Variants in SPON1 observed in about 807,000 individuals in gnomAD.
The protein encoded by SPON1 is spondin-1.
SPON1 carries 52 observed loss-of-function variants against 111.7 expected under a neutral mutation model. The ratio of observed to expected loss-of-function variants is 0.47; its 90% CI spans 0.37 to 0.59. SPON1 has a LOEUF of 0.59. SPON1 is among the 20% of genes least tolerant of loss of function. The pLI, the probability that SPON1 is intolerant of heterozygous loss-of-function variation, is 0.00. For missense variants in SPON1, 957 were observed against 1,068.5 expected (o/e 0.90, Z 1.46); for synonymous variants, 410 against 395.8 (o/e 1.04, Z -0.43).
intron 6 of SPON1, among the ~76,000 whole-genome samples, chr11:14,199,628 T>C (rs1445964200): frequency 2.6e-5 from 4 of 152,196 alleles, no homozygotes; most frequent in Non-Finnish European, 5.9e-5. Context: ...AACACAAAGC[T>C]AACAATGGCA....
At chr11:14,054,703 G>T (rs1223564873) in intron 3 of SPON1, among the ~76,000 whole-genome samples, 1 of 152,126 alleles carries the variant, frequency 6.6e-6, no homozygotes, top group Non-Finnish European at 1.5e-5. Context: ...GAATGATGGG[G>T]GTGACTAGGC....
In SPON1 at chr11:14,257,567, A is replaced by G. The variant is rs1044089847; in HGVS notation, c.1310-149A>G. The stretch of plus-strand genomic sequence containing the variant: ...AACTATTATCTTTAAAGGGAAGTGG[A>G]TGGCTGCTTCCATCCCAGGAGCACC... On this transcript the variant is annotated intron_variant, in intron 10 of 15. Coordinates refer to ENST00000576479, the MANE Select transcript of SPON1 (RefSeq NM_006108.4). The G allele has an allele frequency of 5.3e-6, 3 of 566,234 alleles. No homozygotes were observed. The East Asian group carries it at 9.4e-5, about 18-fold the overall frequency. The allele number at this position is 566,234 out of a possible 1,614,324, so 35.1% of individuals were successfully genotyped here.
chr11:14,137,018 C>G (rs1847600929), intron 6 of SPON1, among the ~76,000 whole-genome samples: 2 of 152,162 alleles, frequency 1.3e-5, no homozygotes, highest in Admixed American at 1.3e-4. Context: ...GGTGTGGAAT[C>G]TTGAAAACCT....
At chr11:13,989,272 C>T (rs549310058) in intron 2 of SPON1, among the ~76,000 whole-genome samples, 1 of 152,252 alleles carries the variant, frequency 6.6e-6, no homozygotes, top group African/African-American at 2.4e-5. Context: ...ATGGTTTCGA[C>T]TTGGGAGGGT....
intron 5 of SPON1, among the ~76,000 whole-genome samples, chr11:14,088,010 G>A (rs571081364): frequency 6.6e-6 from 1 of 150,982 alleles, no homozygotes; most frequent in African/African-American, 2.4e-5. Context: ...CCTTTTTTTT[G>A]AGCCTATGTG....
chr11:13,992,734 C>T (rs983154980), intron 2 of SPON1, among the ~76,000 whole-genome samples: 2 of 152,106 alleles, frequency 1.3e-5, no homozygotes, highest in East Asian at 3.9e-4. Context: ...TTGTGAAAAC[C>T]GTGGGACAAG....
Position 14,032,141 on chromosome 11 carries a change from T to C in SPON1, c.346-9380T>C, listed in dbSNP as rs141378468. On this transcript the variant is annotated intron_variant, in intron 2 of 15. Transcript: ENST00000576479. ...TTGTACATTAAATGGAAAAGAAATA[T>C]GTTCGTGATATGGTGTGAAATGACG... Among the ~76,000 whole-genome samples the C allele has an allele frequency of 3.2e-3, 495 of 152,332 alleles. 3 individuals carry two copies. Among genetic ancestry groups the C allele is most frequent in the African/African-American group, 0.011 (471 of 41,570 alleles).
At chr11:14,126,805 T>C (rs1050839728) in intron 5 of SPON1, among the ~76,000 whole-genome samples, 1 of 152,126 alleles carries the variant, frequency 6.6e-6, no homozygotes, top group Admixed American at 6.5e-5. Context: ...GCCCTCCTGA[T>C]ACCTGAGTCT....
rs1442858881 is a variant in SPON1, at chr11:14,228,956, C to A, written c.826-14376C>A. On this transcript the variant is annotated intron_variant, in intron 6 of 15. Transcript: ENST00000576479. The surrounding 1 kb of genome is among the most constrained non-coding windows in gnomAD (Gnocchi z 4.2). ...CCACAGAGAACTAAGAAGACTCTAA[C>A]AACATATTTACAGGCCCCTAGAGGT... is the stretch of plus-strand genomic sequence containing the variant. Among the ~76,000 whole-genome samples the A allele has an allele frequency of 6.6e-6, 1 of 152,090 alleles. No individual in the cohort carries two copies. Among genetic ancestry groups the A allele is most frequent in the African/African-American group, 2.4e-5 (1 of 41,412 alleles).
chr11:14,159,467 T>C (rs781889549), intron 6 of SPON1, among the ~76,000 whole-genome samples: 1 of 152,104 alleles, frequency 6.6e-6, no homozygotes, highest in Non-Finnish European at 1.5e-5. Context: ...TGGAGAATAA[T>C]AGTTTGGAGG....
intron 2 of SPON1, among the ~76,000 whole-genome samples, chr11:13,984,122 T>C (rs1554910035): frequency 1.3e-5 from 2 of 152,210 alleles, no homozygotes; most frequent in African/African-American, 4.8e-5. Flanking sequence ...CCAATATTTG[T>C]TGGGTACATA....
intron 6 of SPON1, among the ~76,000 whole-genome samples, chr11:14,186,821 G>C (rs1848290633): frequency 6.6e-6 from 1 of 152,174 alleles, no homozygotes; most frequent in Non-Finnish European, 1.5e-5. Flanking sequence ...CTTCGTGTGA[G>C]ATCTTGAAAT....
intron 2 of SPON1, among the ~76,000 whole-genome samples, chr11:14,004,307 C>T (rs1554912841): frequency 6.6e-6 from 1 of 152,196 alleles, no homozygotes; most frequent in Non-Finnish European, 1.5e-5. Context: ...CATGGGTCCA[C>T]AGGTGTCTTT....
At chr11:14,060,439 T>C (rs1344864523) in intron 3 of SPON1, among the ~76,000 whole-genome samples, 1 of 152,202 alleles carries the variant, frequency 6.6e-6, no homozygotes, top group Non-Finnish European at 1.5e-5. Flanking sequence ...AATCCTGGAC[T>C]ACCTCTTAAC....
intron 6 of SPON1, among the ~76,000 whole-genome samples, chr11:14,200,231 G>A (rs1848447430): frequency 6.6e-6 from 1 of 152,158 alleles, no homozygotes; most frequent in Non-Finnish European, 1.5e-5. Flanking sequence ...TGTCTTGTGT[G>A]CTAGGGAATA....
intron 5 of SPON1, among the ~76,000 whole-genome samples, chr11:14,083,973 C>T (rs1485456258): frequency 2.6e-5 from 4 of 152,080 alleles, no homozygotes; most frequent in Admixed American, 6.5e-5. Context: ...CTCAAAGAGT[C>T]GCATAAGTGC....
chr11:14,085,558 G>T, intron 5 of SPON1, among the ~76,000 whole-genome samples: 1 of 152,154 alleles, frequency 6.6e-6, no homozygotes, highest in East Asian at 1.9e-4. Context: ...TAGGCTTGTA[G>T]TATAATTTGA....
At chr11:14,186,488 G>C (rs1468863986) in intron 6 of SPON1, among the ~76,000 whole-genome samples, 1 of 152,144 alleles carries the variant, frequency 6.6e-6, no homozygotes, top group African/African-American at 2.4e-5. Flanking sequence ...AGCTGGGAGT[G>C]GGGGAGATGC....
chr11:14,050,406 T>G (rs551231912), intron 3 of SPON1, among the ~76,000 whole-genome samples: 1 of 152,338 alleles, frequency 6.6e-6, no homozygotes, highest in African/African-American at 2.4e-5. Context: ...GTTAATTCAT[T>G]TGTGTACTGT....
Sources: allele counts gnomAD v4.1 joint callset (sites outside exome capture counted in the v4.1 genomes callset), GRCh38; gene constraint gnomAD v4.1.1; non-coding constraint Gnocchi (gnomAD v3.1); transcripts MANE v1.5; gene names NCBI Gene and HGNC (gene_info 2026-07-23, HGNC 2026-07-21).